The following CCDC14 variants were observed in gnomAD, a reference collection of about 807,000 sequenced individuals.
The protein encoded by CCDC14 is coiled-coil domain containing 14.
A neutral mutation model predicts 81.4 loss-of-function variants in CCDC14; 71 were observed. The observed-to-expected ratio is 0.87, with a 90% CI of 0.72 to 1.06. The LOEUF is 1.06. CCDC14 is among the 50% of genes least tolerant of loss of function. CCDC14 has a pLI of 0.00. For missense variants in CCDC14, 1,046 were observed against 1,047.3 expected (o/e 1.00, Z 0.02); for synonymous variants, 332 against 364.8 (o/e 0.91, Z 1.03).
chr3:123,938,333 C>T (rs140630213), intron 9 of CCDC14, among the ~76,000 whole-genome samples: 397 of 151,956 alleles, frequency 2.6e-3, no homozygotes, highest in South Asian at 5.6e-3. Flanking sequence ...ATGGGTCTTA[C>T]ATATTTTTCA....
At chr3:123,906,015 G>A (rs2034299078) in intron 5 of CCDC14, among the ~76,000 whole-genome samples, 1 of 152,198 alleles carries the variant, frequency 6.6e-6, no homozygotes, top group Admixed American at 6.5e-5. Flanking sequence ...AGGGATAGCT[G>A]AAAAACCAAT....
At chr3:123,919,044 A>C (rs1487730776) in intron 12 of CCDC14, among the ~76,000 whole-genome samples, 1 of 151,986 alleles carries the variant, frequency 6.6e-6, no homozygotes, top group Non-Finnish European at 1.5e-5. Flanking sequence ...ATCTGGTCCC[A>C]TAAGAACTGA....
At chr3:123,885,925 A>G in the CCDC14 span, among the ~76,000 whole-genome samples, 1 of 152,158 alleles carries the variant, frequency 6.6e-6, no homozygotes, top group South Asian at 2.1e-4. Flanking sequence ...AGGCACGATG[A>G]ATACCTGCTT....
intron 7 of CCDC14, among the ~76,000 whole-genome samples, chr3:123,947,933 T>C (rs2036753008): frequency 6.6e-6 from 1 of 152,078 alleles, no homozygotes; most frequent in Admixed American, 6.6e-5. Flanking sequence ...AACAAGTTAT[T>C]AAAAATTCAA....
Position 123,915,222 on chromosome 3 carries a change from T to C in CCDC14, c.2275A>G (p.Thr759Ala), listed in dbSNP as rs1320442911. Residue 759 changes from threonine (T) to alanine (A), a missense_variant, in exon 13 of 13, where the codon ACA (threonine) becomes GCA (alanine). Coordinates refer to ENST00000409697, the MANE Select transcript of CCDC14 (RefSeq NM_001366335.1). ...LSPQPQIRAATTQLVSNSGLA... is the reference protein window; with the variant it reads ...LSPQPQIRAAATQLVSNSGLA... ...CCGCTGTTGCTGACTAGCTGTGTTGTAGCTGCTCTTATTTGTGGCTGAGGG... is the reference window on the plus strand; with the variant it reads ...CCGCTGTTGCTGACTAGCTGTGTTGCAGCTGCTCTTATTTGTGGCTGAGGG... 3.7e-6 allele frequency: 6 copies of C among 1,613,700 alleles called. No homozygotes were observed. The highest frequency in any genetic ancestry group is 1.3e-5 in the African/African-American group (1 of 74,928).
At chr3:123,886,257 T>G in the CCDC14 span, among the ~76,000 whole-genome samples, 198 of 152,240 alleles carry the variant, frequency 1.3e-3, no homozygotes, top group East Asian at 8.1e-3. Flanking sequence ...GGCACATCTG[T>G]ACATTTGCTG....
downstream of CCDC14, among the ~76,000 whole-genome samples, chr3:123,897,023 C>G: frequency 6.6e-6 from 1 of 152,114 alleles, no homozygotes; most frequent in Non-Finnish European, 1.5e-5. Flanking sequence ...CACCTCCCAC[C>G]TGCATTTAAG....
chr3:123,953,566 A>C (rs1174622846), intron 5 of CCDC14: 2 of 152,232 alleles, frequency 1.3e-5, no homozygotes, highest in Non-Finnish European at 2.9e-5. Flanking sequence ...TGACACAGTA[A>C]GACTAACTTA....
chr3:123,896,287 A>G (rs900085203), downstream of CCDC14, among the ~76,000 whole-genome samples: 51 of 152,246 alleles, frequency 3.3e-4, no homozygotes, highest in African/African-American at 1.1e-3. Flanking sequence ...CTCTATAGAG[A>G]CCTCACCAGC....
At chr3:123,955,371 A>G (rs2037265034) in intron 5 of CCDC14, 1 of 152,186 alleles carries the variant, frequency 6.6e-6, no homozygotes, top group African/African-American at 2.4e-5. Context: ...AATCAGCAGC[A>G]GCCTTTCCTT....
intron 12 of CCDC14, among the ~76,000 whole-genome samples, chr3:123,917,457 C>T (rs1407181120): frequency 1.3e-5 from 2 of 150,394 alleles, no homozygotes; most frequent in African/African-American, 2.4e-5. Context: ...ATCACTCCAC[C>T]GCACTCCAGC....
intron 5 of CCDC14, among the ~76,000 whole-genome samples, chr3:123,899,797 G>A (rs2034143443): frequency 6.6e-6 from 1 of 152,174 alleles, no homozygotes; most frequent in Non-Finnish European, 1.5e-5. Flanking sequence ...CCAAACTCCT[G>A]ATCTTTTTTC....
chr3:123,915,508 T>C lies in CCDC14; in HGVS notation c.1989A>G (p.Thr663=). 6.2e-7 allele frequency: 1 copy of C among 1,614,004 alleles called. No individual in the cohort carries two copies. Residue 663 remains threonine (T), a synonymous_variant, in exon 13 of 13, where the codon ACA becomes ACG. Transcript: ENST00000409697. Reference sequence around the variant, plus strand: ...GCTCTATGGTTTCCTCATTTTTAATTGTAGAAAGTGGCTCTGAATGTGTAA... The same window carrying C: ...GCTCTATGGTTTCCTCATTTTTAATCGTAGAAAGTGGCTCTGAATGTGTAA... ...YSFTHSEPLS[T]IKNEETIEPD... is the part of the protein sequence containing the mutation.
intron 9 of CCDC14, among the ~76,000 whole-genome samples, chr3:123,934,094 G>A (rs1030217535): frequency 4.6e-5 from 7 of 151,804 alleles, no homozygotes; most frequent in Non-Finnish European, 5.9e-5. Flanking sequence ...CCAACATGGC[G>A]AAACCCCATC....
intron 5 of CCDC14, among the ~76,000 whole-genome samples, chr3:123,951,677 A>C (rs1448740268): frequency 6.6e-6 from 1 of 152,162 alleles, no homozygotes; most frequent in Admixed American, 6.5e-5. Context: ...CAGATTTCAC[A>C]CACAGGTCAC....
At chr3:123,922,629 T>C (rs1366537985) in intron 12 of CCDC14, among the ~76,000 whole-genome samples, 1 of 152,076 alleles carries the variant, frequency 6.6e-6, no homozygotes, top group Non-Finnish European at 1.5e-5. Context: ...TAAATTCCTA[T>C]ACAGACACAA....
At chr3:123,922,068 C>T (rs1036038459) in intron 12 of CCDC14, among the ~76,000 whole-genome samples, 13 of 152,048 alleles carry the variant, frequency 8.5e-5, no homozygotes, top group African/African-American at 2.9e-4. Context: ...GAATCAATAA[C>T]GAGAAATTTT....
chr3:123,944,906 T>G lies in CCDC14; in HGVS notation c.1286A>C (p.Gln429Pro), dbSNP rs1372135148. 1.2e-6 allele frequency: 2 copies of G among 1,612,092 alleles called. No homozygotes were observed. The highest frequency in any genetic ancestry group is 8.5e-7 in the Non-Finnish European group (1 of 1,178,546). The change falls in exon 9 of 13, where the codon CAA becomes CCA. Residue 429 changes from glutamine (Q) to proline (P), a missense_variant. Coordinates refer to ENST00000409697, the MANE Select transcript of CCDC14 (RefSeq NM_001366335.1). Reference sequence around the variant, plus strand: ...TTGCATGGCCAGTGCTATCTCAACTTGAATATCTGTGTTTCCACTTACTGT... The same window carrying G: ...TTGCATGGCCAGTGCTATCTCAACTGGAATATCTGTGTTTCCACTTACTGT... ...LPTVSGNTDI[Q>P]VEIALAMQPL...
chr3:123,922,106 C>T (rs906137078), intron 12 of CCDC14, among the ~76,000 whole-genome samples: 4 of 152,052 alleles, frequency 2.6e-5, no homozygotes, highest in African/African-American at 9.7e-5. Context: ...GGAAATTAAG[C>T]AACATGCTGC....
Sources: gnomAD v4.1 joint callset for allele counts (sites outside exome capture counted in the v4.1 genomes callset) on GRCh38, gnomAD v4.1.1 for gene constraint, MANE v1.5 for transcripts, NCBI Gene and HGNC (gene_info 2026-07-23, HGNC 2026-07-21) for gene names.